Variants in ACTR2 observed in about 807,000 individuals in gnomAD.
ACTR2 encodes actin-related protein 2.
Under a neutral mutation model 50.2 loss-of-function variants are expected in ACTR2, and 5 were observed. The observed-to-expected ratio is 0.10, with a 90% CI of 0.05 to 0.21. ACTR2 has a LOEUF of 0.21. ACTR2 is among the 10% of genes least tolerant of loss of function. ACTR2 has a pLI of 1.00. For synonymous variants in ACTR2, 140 were observed against 162.9 expected, an observed-to-expected ratio of 0.86 and a Z score of 1.07; for missense variants, 180 against 480.6, an observed-to-expected ratio of 0.37 and a Z score of 5.85.
chr2:65,255,286 T>G (rs1672129368), intron 5 of ACTR2, among the ~76,000 whole-genome samples: 1 of 152,226 alleles, frequency 6.6e-6, no homozygotes, highest in African/African-American at 2.4e-5. Flanking sequence ...TTAGTACTCA[T>G]GCAGTGCTTT....
intron 1 of ACTR2, among the ~76,000 whole-genome samples, chr2:65,229,828 C>T (rs1421989470): frequency 6.6e-6 from 1 of 150,502 alleles, no homozygotes; most frequent in East Asian, 1.9e-4. Context: ...TTTAAAAAGG[C>T]AGATCCACTG....
chr2:65,229,482 G>T (rs1311598032), intron 1 of ACTR2, among the ~76,000 whole-genome samples: 1 of 151,996 alleles, frequency 6.6e-6, no homozygotes, highest in African/African-American at 2.4e-5. Flanking sequence ...GAGGCCAGGC[G>T]CGGTGGCTCA....
intron 7 of ACTR2, among the ~76,000 whole-genome samples, chr2:65,264,523 G>C (rs770785459): frequency 5.3e-5 from 8 of 152,148 alleles, no homozygotes; most frequent in Non-Finnish European, 8.8e-5. Context: ...ACTGCTGTCA[G>C]TAGATAGCAG....
intron 6 of ACTR2, among the ~76,000 whole-genome samples, chr2:65,257,585 A>G (rs1347642898): frequency 1.3e-5 from 2 of 152,100 alleles, no homozygotes; most frequent in Admixed American, 6.6e-5. Context: ...AAGCGTTCCT[A>G]TTTCTCCATA....
At chr2:65,232,771 GAAGT>G (rs1303584879) in intron 1 of ACTR2, among the ~76,000 whole-genome samples, 1 of 152,126 alleles carries the variant, frequency 6.6e-6, no homozygotes, top group Non-Finnish European at 1.5e-5. Flanking sequence ...GACTCAGTGG[GAAGT>G]AAGGGAACTA....
At chr2:65,261,536 G>C in intron 7 of ACTR2, 144 bp downstream of exon 7, 1 of 866,674 alleles carries the variant, frequency 1.2e-6, no homozygotes, top group Non-Finnish European at 1.7e-6. Flanking sequence ...TTACGGAAAG[G>C]TTGCAAGAAA....
chr2:65,240,515 T>C (rs1671820298), intron 2 of ACTR2, among the ~76,000 whole-genome samples: 4 of 152,340 alleles, frequency 2.6e-5, no homozygotes, highest in African/African-American at 9.6e-5. Context: ...CCTTGGATTA[T>C]GTATCTTACC....
At chr2:65,239,811 T>C in intron 1 of ACTR2, 41 bp from the exon 2 acceptor site, 1 of 1,170,156 alleles carries the variant, frequency 8.5e-7, no homozygotes, top group South Asian at 1.2e-5. Flanking sequence ...ATAGTAAATA[T>C]CCTGATGCTA....
chr2:65,241,897 C>A, intron 2 of ACTR2: 3 of 815,994 alleles, frequency 3.7e-6, no homozygotes, highest in Non-Finnish European at 5.5e-6. Context: ...TAATTATTAA[C>A]TCCATTAAAT....
rs142851235 is a variant in ACTR2, at chr2:65,268,165, A to G, written c.1015-399A>G. Among the ~76,000 whole-genome samples the G allele has an allele frequency of 2.8e-4, 43 of 152,230 alleles. 2 individuals carry two copies. Among genetic ancestry groups the G allele is most frequent in the African/African-American group, 9.9e-4 (41 of 41,552 alleles). On this transcript the variant is annotated intron_variant, in intron 8 of 8. Coordinates refer to ENST00000260641, the MANE Select transcript of ACTR2 (RefSeq NM_005722.4). ...AGTCCTCTTATCCAGACTTTGCTTG[A>G]CAGCAAAGTGACTTTCCCAAGTGGT...
At chr2:65,245,262 G>A (rs916139364) in intron 2 of ACTR2, among the ~76,000 whole-genome samples, 2 of 151,664 alleles carry the variant, frequency 1.3e-5, no homozygotes, top group African/African-American at 4.8e-5. Context: ...GCTCATGCCT[G>A]TAATCCCAAC....
At position 65,234,329 on chromosome 2, in the gene ACTR2, T is replaced by C. The variant is rs72892650; in HGVS notation, c.49-5523T>C. The stretch of plus-strand genomic sequence containing the variant: ...ATATACCCTGTATGAAAACTGGTGC[T>C]GAGTTCTATGGCAACATCTGCTTCC... On this transcript the variant is annotated intron_variant, in intron 1 of 8. Transcript: ENST00000260641. Among the ~76,000 whole-genome samples the C allele has an allele frequency of 7.0e-3, 1,071 of 152,372 alleles. 25 individuals carry two copies. The highest frequency in any genetic ancestry group is 0.024 in the African/African-American group (985 of 41,584).
chr2:65,243,753 T>C (rs1671884190), intron 2 of ACTR2, among the ~76,000 whole-genome samples: 1 of 152,240 alleles, frequency 6.6e-6, no homozygotes, highest in Admixed American at 6.5e-5. Flanking sequence ...AAAATGATTC[T>C]TGGCAAATGT....
intron 8 of ACTR2, among the ~76,000 whole-genome samples, chr2:65,267,829 A>T (rs185560477): frequency 6.9e-6 from 1 of 145,824 alleles, no homozygotes; most frequent in Admixed American, 6.8e-5. Flanking sequence ...GAATCATAAC[A>T]GTATGAGACC....
At chr2:65,236,847 C>T (rs1011527832) in intron 1 of ACTR2, among the ~76,000 whole-genome samples, 6 of 152,062 alleles carry the variant, frequency 3.9e-5, no homozygotes, top group South Asian at 2.1e-4. Context: ...TAGTAGCCTT[C>T]TATCAAGAGG....
In ACTR2 at chr2:65,246,419, A is replaced by G. The variant is rs958249605; in HGVS notation, c.160-105A>G. On this transcript the variant is annotated intron_variant, in intron 2 of 8. Transcript: ENST00000260641. ...AAAAGATTTTCTAACTTGTGGAATAAAAAGATTTATTTTGCAAGTGTCAGA... is the reference window on the plus strand; with the variant it reads ...AAAAGATTTTCTAACTTGTGGAATAGAAAGATTTATTTTGCAAGTGTCAGA... The G allele has an allele frequency of 5.0e-6, 4 of 796,234 alleles. No individual in the cohort carries two copies. In the African/African-American group the frequency reaches 7.1e-5, roughly 14 times the overall value. The allele number at this position is 796,234 out of a possible 1,614,324, so 49.3% of individuals were successfully genotyped here.
intron 6 of ACTR2, among the ~76,000 whole-genome samples, chr2:65,260,038 A>G (rs1463143157): frequency 6.6e-6 from 1 of 152,240 alleles, no homozygotes; most frequent in Non-Finnish European, 1.5e-5. Flanking sequence ...AGGACCTAGT[A>G]GGATACAACA....
chr2:65,246,650 G>C lies in ACTR2; in HGVS notation c.286G>C (p.Glu96Gln). ...KHLWDYTFGP[E>Q]KLNIDTRNCK... ...CCTGTGGGACTACACATTTGGACCA[G>C]AGAAACTTAATATAGATACCAGAAA... Residue 96 changes from glutamate (E) to glutamine (Q), a missense_variant, in exon 3 of 9, where the codon GAG becomes CAG. Physicochemically the swap from Glu to Gln is conservative, Grantham distance 29. Transcript: ENST00000260641. 1.2e-6 allele frequency: 2 copies of C among 1,613,602 alleles called. No homozygotes were observed. The highest frequency in any genetic ancestry group is 2.7e-5 in the African/African-American group (2 of 74,988).
rs199819019 is a variant in ACTR2, at chr2:65,268,747, G to A, written c.*13G>A. On this transcript the variant is annotated 3_prime_UTR_variant, in exon 9 of 9. Coordinates refer to ENST00000260641, the MANE Select transcript of ACTR2 (RefSeq NM_005722.4). ...GACTGTTCGATAAACTCCAAAGCTT[G>A]TTCCCGTCATACCCGTAATGCTTTC... 13 of 1,611,774 alleles carry A rather than the reference G, an allele frequency of 8.1e-6. No homozygotes were observed. Among genetic ancestry groups the A allele is most frequent in the Middle Eastern group, 3.3e-4 (2 of 6,060 alleles).
Sources: allele counts gnomAD v4.1 joint callset (sites outside exome capture counted in the v4.1 genomes callset), GRCh38; gene constraint gnomAD v4.1.1; transcripts MANE v1.5; gene names NCBI Gene and HGNC (gene_info 2026-07-23, HGNC 2026-07-21).